Variants in PACC1 observed in about 807,000 individuals in gnomAD.
The protein encoded by PACC1 is proton-activated chloride channel.
Under a neutral mutation model 39.7 loss-of-function variants are expected in PACC1, and 34 were observed. That is an observed-to-expected ratio of 0.86 (90% CI 0.65 to 1.14). PACC1 has a LOEUF of 1.14. PACC1 is among the 50% of genes most tolerant of loss of function. PACC1 has a pLI of 0.00. For synonymous variants in PACC1, 127 were observed against 160.6 expected (o/e 0.79, Z 1.58); for missense variants, 379 against 436.4 (o/e 0.87, Z 1.17).
intron 5 of PACC1, among the ~76,000 whole-genome samples, chr1:212,378,952 C>CTTT (rs141994711): frequency 7.0e-6 from 1 of 143,360 alleles, no homozygotes. Flanking sequence ...TTATGATTTC[C>CTTT]TTTTTTTTTT....
Position 212,385,348 on chromosome 1 carries a change from G to C in PACC1, c.421C>G (p.Pro141Ala), listed in dbSNP as rs1236565547. The change falls in exon 4 of 8, where the codon CCT (proline) becomes GCT (alanine). Residue 141 changes from proline to alanine, a missense_variant. Pro to Ala is a conservative substitution (Grantham distance 27, BLOSUM62 -1). Transcript: ENST00000261455. ...CAATTCATGTCACCCGGCTGGCCAG[G>C]GCTTGTCAGAGGAGGAATGACCTCG... ...HYEVIPPLTS[P>A]GQPGDMNCTT... 1.2e-6 allele frequency: 2 copies of C among 1,613,956 alleles called. No homozygotes were observed. Among genetic ancestry groups the C allele is most frequent in the African/African-American group, 1.3e-5 (1 of 74,874 alleles).
At chr1:212,401,770 T>C (rs1056915451) in intron 2 of PACC1, among the ~76,000 whole-genome samples, 13 of 145,038 alleles carry the variant, frequency 9.0e-5, no homozygotes, top group African/African-American at 2.8e-4. Flanking sequence ...ACCTCCCGGG[T>C]TCAAGTGATT....
chr1:212,385,845 A>G (rs1404853105), intron 3 of PACC1, among the ~76,000 whole-genome samples: 2 of 152,122 alleles, frequency 1.3e-5, no homozygotes, highest in Non-Finnish European at 2.9e-5. Flanking sequence ...TGGGAGCCCC[A>G]AGTGTGCAAG....
At chr1:212,388,483 A>G (rs1051217880) in intron 2 of PACC1, among the ~76,000 whole-genome samples, 1 of 152,208 alleles carries the variant, frequency 6.6e-6, no homozygotes, top group African/African-American at 2.4e-5. Flanking sequence ...CAATGTGAGT[A>G]TATTTAGAGA....
rs1662229104 is a variant in PACC1 at position 212,413,945 on chromosome 1, C to G, written c.36+777G>C. ...AATGAGGCGGCACGATGGAGGGGCA[C>G]AGAAGAGGACGGTTGCCAAAGATGA... On this transcript the variant is annotated intron_variant, in intron 1 of 7. Coordinates refer to ENST00000261455, the MANE Select transcript of PACC1 (RefSeq NM_018252.3). 1.3e-6 allele frequency: 2 copies of G among 1,535,450 alleles called. No homozygotes were observed. Among genetic ancestry groups the G allele is most frequent in the African/African-American group, 1.4e-5 (1 of 73,008 alleles).
intron 2 of PACC1, among the ~76,000 whole-genome samples, chr1:212,409,694 A>G (rs1350200671): frequency 1.3e-5 from 2 of 152,130 alleles, no homozygotes; most frequent in African/African-American, 2.4e-5. Context: ...CAGAACTATG[A>G]CATGGGCAGT....
At chr1:212,379,186 G>A (rs569704047) in intron 5 of PACC1, among the ~76,000 whole-genome samples, 17 of 152,148 alleles carry the variant, frequency 1.1e-4, no homozygotes, top group South Asian at 4.1e-4. Flanking sequence ...CTCGTGATCC[G>A]CCCACCTTGG....
At chr1:212,411,893 C>A (rs1389070713) in intron 1 of PACC1, among the ~76,000 whole-genome samples, 1 of 152,142 alleles carries the variant, frequency 6.6e-6, no homozygotes, top group Admixed American at 6.5e-5. Context: ...GTAATTCCAG[C>A]ACTTTGGGAG....
chr1:212,385,502 C>A, intron 3 of PACC1, 77 bp from the exon 4 acceptor site: 1 of 1,492,338 alleles, frequency 6.7e-7, no homozygotes, highest in Non-Finnish European at 9.3e-7. Context: ...TCACACCTAC[C>A]AACAACCTAC....
At chr1:212,405,509 C>T (rs1002297636) in intron 2 of PACC1, among the ~76,000 whole-genome samples, 1 of 152,210 alleles carries the variant, frequency 6.6e-6, no homozygotes, top group Non-Finnish European at 1.5e-5. Context: ...ACAAGTTCTT[C>T]CTTGGGTAAC....
chr1:212,393,803 A>G (rs1661416567), intron 2 of PACC1, among the ~76,000 whole-genome samples: 1 of 152,238 alleles, frequency 6.6e-6, no homozygotes. Context: ...AGAATACTAT[A>G]AACACCTCTA....
At chr1:212,391,028 G>A (rs912068771) in intron 2 of PACC1, among the ~76,000 whole-genome samples, 5 of 152,348 alleles carry the variant, frequency 3.3e-5, no homozygotes, top group East Asian at 3.9e-4. Context: ...GGGCATAGCC[G>A]AACAAAAGGC....
chr1:212,393,857 G>A (rs546858723), intron 2 of PACC1, among the ~76,000 whole-genome samples: 4,910 of 151,760 alleles, frequency 0.032, 98 homozygotes, highest in African/African-American at 0.069. Context: ...TAAATTCCTC[G>A]ACACATACAC....
chr1:212,408,954 G>A (rs1294328115), intron 2 of PACC1, among the ~76,000 whole-genome samples: 1 of 152,222 alleles, frequency 6.6e-6, no homozygotes, highest in African/African-American at 2.4e-5. Context: ...TAGGAGGTGA[G>A]CAGTGAGTGA....
chr1:212,390,800 C>T (rs1012735381), intron 2 of PACC1, among the ~76,000 whole-genome samples: 6 of 152,220 alleles, frequency 3.9e-5, no homozygotes, highest in Admixed American at 1.3e-4. Flanking sequence ...TTATATCCCG[C>T]GCCTGGCTCA....
intron 2 of PACC1, among the ~76,000 whole-genome samples, chr1:212,388,507 G>A (rs1257840032): frequency 3.3e-5 from 5 of 152,134 alleles, no homozygotes; most frequent in African/African-American, 9.7e-5. Flanking sequence ...GGACTTCAAG[G>A]ATATAATTAA....
rs888228952 is a variant in PACC1 at position 212,364,435 on chromosome 1, T to C, written c.*780A>G. On this transcript the variant is annotated 3_prime_UTR_variant, in exon 8 of 8. Transcript: ENST00000261455. ...GGAAGTCACCAAATGAAAGTAATTG[T>C]GCCCGATGATTGAGCAGATATTCAT... The C allele has an allele frequency of 2.0e-5, 3 of 152,476 alleles. No homozygotes were observed. Among genetic ancestry groups the C allele is most frequent in the African/African-American group, 7.2e-5 (3 of 41,582 alleles). The allele number at this position is 152,476 out of a possible 1,614,324, so 9.4% of individuals were successfully genotyped here.
rs754105364 is a variant in PACC1 at position 212,410,456 on chromosome 1, C to T, written c.102G>A (p.Thr34=). The T allele has an allele frequency of 1.4e-5, 22 of 1,614,032 alleles. No individual in the cohort carries two copies. The highest frequency in any genetic ancestry group is 2.7e-5 in the African/African-American group (2 of 74,916). Residue 34 remains threonine, a synonymous_variant, in exon 2 of 8, where the codon ACG becomes ACA. Transcript: ENST00000261455. ...AGATACCCGGACCTTGGACTCTGAC[C>T]GTCTCCTTGTCCTGCTCGTCTGCCA... The part of the protein sequence containing the change: ...SELADEQDKE[T]VRVQGPGILP...
chr1:212,383,909 C>A (rs933225261), intron 4 of PACC1, among the ~76,000 whole-genome samples: 2 of 152,154 alleles, frequency 1.3e-5, no homozygotes, highest in Non-Finnish European at 2.9e-5. Context: ...GGGTCTTTTA[C>A]CCAGAGGCAA....
Sources: gnomAD v4.1 joint callset for allele counts (sites outside exome capture counted in the v4.1 genomes callset) on GRCh38, gnomAD v4.1.1 for gene constraint, MANE v1.5 for transcripts, NCBI Gene and HGNC (gene_info 2026-07-23, HGNC 2026-07-21) for gene names.